TMC5: variants seen among roughly 807,000 people sequenced by gnomAD.
The protein encoded by TMC5 is transmembrane channel-like protein 5.
A neutral mutation model predicts 110.5 loss-of-function variants in TMC5; 86 were observed. The observed-to-expected ratio is 0.78, with a 90% CI of 0.65 to 0.93. The LOEUF (loss-of-function observed/expected upper bound fraction) is 0.93. Among genes scored for constraint, TMC5 ranks in the 40% least tolerant of loss-of-function variants. The pLI, the probability that TMC5 is intolerant of heterozygous loss-of-function variation, is 0.00. For synonymous variants in TMC5, 455 were observed against 439.5 expected, an observed-to-expected ratio of 1.04 and a Z score of -0.44; for missense variants, 1,144 against 1,222.8, an observed-to-expected ratio of 0.94 and a Z score of 0.96.
chr16:19,449,216 G>A (rs893157044), intron 4 of TMC5, among the ~76,000 whole-genome samples: 1 of 152,062 alleles, frequency 6.6e-6, no homozygotes, highest in Non-Finnish European at 1.5e-5. Flanking sequence ...GAACTTTTGG[G>A]CTCAAGTAAT....
chr16:19,493,466 T>TC (rs563230178), intron 19 of TMC5, among the ~76,000 whole-genome samples: 12 of 124,496 alleles, frequency 9.6e-5, no homozygotes, highest in African/African-American at 3.8e-4. Flanking sequence ...TCTCTCTCTC[T>TC]TTTTTTTTTT....
At chr16:19,426,847 A>G (rs1335282717) in intron 1 of TMC5, among the ~76,000 whole-genome samples, 4 of 152,086 alleles carry the variant, frequency 2.6e-5, no homozygotes, top group Non-Finnish European at 5.9e-5. Flanking sequence ...GCTGATCTGC[A>G]GTGATTCTTA....
chr16:19,443,173 T>C (rs961341794), intron 3 of TMC5, among the ~76,000 whole-genome samples: 3 of 152,194 alleles, frequency 2.0e-5, no homozygotes, highest in Non-Finnish European at 4.4e-5. Flanking sequence ...TGGGGAACTT[T>C]AAAAATAATA....
At chr16:19,426,761 T>C (rs1936223912) in intron 1 of TMC5, among the ~76,000 whole-genome samples, 1 of 152,228 alleles carries the variant, frequency 6.6e-6, no homozygotes, top group Non-Finnish European at 1.5e-5. Context: ...TCTCTTTTCT[T>C]TTTTAAATGC....
intron 10 of TMC5, among the ~76,000 whole-genome samples, chr16:19,471,596 C>G (rs969168939): frequency 2.0e-5 from 3 of 152,138 alleles, no homozygotes; most frequent in African/African-American, 7.2e-5. Flanking sequence ...CTATGGGTCT[C>G]CCATAATCCA....
At chr16:19,465,888 C>G (rs950831256) in intron 8 of TMC5, among the ~76,000 whole-genome samples, 194 bp from the exon 9 acceptor site, 2 of 152,176 alleles carry the variant, frequency 1.3e-5, no homozygotes, top group Non-Finnish European at 2.9e-5. Context: ...TAAAGTTACA[C>G]TGGATTTCTT....
chr16:19,479,252 T>C (rs561635371), intron 13 of TMC5, among the ~76,000 whole-genome samples, 179 bp from the exon 14 acceptor site: 2 of 152,162 alleles, frequency 1.3e-5, no homozygotes, highest in African/African-American at 4.8e-5. Context: ...GAGAACAACA[T>C]CCCTGGGAAC....
intron 17 of TMC5, among the ~76,000 whole-genome samples, chr16:19,489,676 T>A (rs868266121): frequency 8.4e-5 from 12 of 143,426 alleles, no homozygotes; most frequent in South Asian, 2.2e-4. Flanking sequence ...TAGAAATGGG[T>A]GTCTTGCTAT....
chr16:19,471,953 G>A, intron 10 of TMC5, 135 bp from the exon 11 acceptor site: 2 of 818,448 alleles, frequency 2.4e-6, no homozygotes, highest in East Asian at 2.8e-5. Flanking sequence ...TAGAGGCGGG[G>A]TTTCACCATG....
At chr16:19,456,845 A>G (rs757048593) in intron 5 of TMC5, 4 of 1,614,234 alleles carry the variant, frequency 2.5e-6, no homozygotes, top group South Asian at 1.1e-5. Flanking sequence ...GGTTTTGTCA[A>G]TATCTGACAT....
intron 2 of TMC5, among the ~76,000 whole-genome samples, chr16:19,433,977 G>C (rs867842314): frequency 1.6e-4 from 21 of 133,020 alleles, no homozygotes; most frequent in Admixed American, 1.0e-3. Flanking sequence ...GTACTACCAT[G>C]CCCAGCTAAT....
In TMC5 at chr16:19,494,362, T is replaced by G. The variant is rs1423113684; in HGVS notation, c.2927T>G (p.Val976Gly). ...TCACTTGTTCTGGAAAGGAGAGAGGTGGAGGTGAGTCTGGAGGCTGCCTTG... is the reference window on the plus strand; with the variant it reads ...TCACTTGTTCTGGAAAGGAGAGAGGGGGAGGTGAGTCTGGAGGCTGCCTTG... Reference protein sequence around the residue: ...PSSLVLERREVEQQGFLHLGE... With the variant: ...PSSLVLERREGEQQGFLHLGE... Residue 976 changes from valine to glycine, a missense_variant, in exon 20 of 22, where the codon GTG (valine) becomes GGG (glycine). Transcript: ENST00000542583. 2 of 1,611,870 alleles carry G rather than the reference T, an allele frequency of 1.2e-6. No individual in the cohort carries two copies. Among genetic ancestry groups the G allele is most frequent in the Non-Finnish European group, 1.7e-6 (2 of 1,178,982 alleles).
chr16:19,470,012 A>G (rs1254345582), intron 10 of TMC5, among the ~76,000 whole-genome samples, 187 bp downstream of exon 10: 1 of 150,680 alleles, frequency 6.6e-6, no homozygotes, highest in Non-Finnish European at 1.5e-5. Flanking sequence ...CTCCTGCCTC[A>G]GCCTCCCGAG....
chr16:19,488,811 G>A (rs574477539), intron 17 of TMC5, among the ~76,000 whole-genome samples: 15 of 152,204 alleles, frequency 9.9e-5, no homozygotes, highest in South Asian at 2.1e-4. Context: ...ACGATTGTCC[G>A]TTTTTCCCAC....
chr16:19,465,001 GTCTTTCTTTCTTTCTTTCTTTCTTTCTT>G (rs71375641), intron 8 of TMC5, among the ~76,000 whole-genome samples: 17,674 of 69,188 alleles, frequency 0.26, 3,652 homozygotes, highest in Non-Finnish European at 0.42. Flanking sequence ...CTTTCCTTTT[GTCTTTCTTTCTTTCTTTCTTTCTTTCTT>G]TCTTTCTTTC....
chr16:19,419,402 G>GGTT (rs1966928487), intron 1 of TMC5, among the ~76,000 whole-genome samples: 4 of 65,648 alleles, frequency 6.1e-5, no homozygotes. Context: ...GAATGTGTTG[G>GGTT]TTTTTTTTTT....
Position 19,498,094 on chromosome 16 carries a change from AACTG to A in TMC5, c.*132_*135del, listed in dbSNP as rs1597226517. ...ATCCAAGGCTTTAGCCAGGAGCGGAAACTGACTACCATGTAATTATCAAAGTAAA... is the reference window on the plus strand; with the variant it reads ...ATCCAAGGCTTTAGCCAGGAGCGGAAACTACCATGTAATTATCAAAGTAAA... On this transcript the variant is annotated 3_prime_UTR_variant, in exon 22 of 22. Transcript: ENST00000542583. The A allele has an allele frequency of 6.5e-5, 56 of 856,006 alleles. 2 individuals carry two copies. In the South Asian group the frequency reaches 8.2e-4, roughly 13 times the overall value. The allele number at this position is 856,006 out of a possible 1,614,324, so 53.0% of individuals were successfully genotyped here. A position where few individuals can be genotyped will look rare whatever the true frequency, so the allele number is the denominator to read the frequency against.
chr16:19,474,035 C>A, intron 11 of TMC5, 90 bp from the exon 12 acceptor site: 1 of 1,298,524 alleles, frequency 7.7e-7, no homozygotes, highest in Middle Eastern at 2.8e-4. Context: ...AGCTACTTCT[C>A]GGGTTTTCTA....
chr16:19,437,119 G>A (rs1051191619), intron 2 of TMC5, among the ~76,000 whole-genome samples: 1 of 152,144 alleles, frequency 6.6e-6, no homozygotes, highest in Non-Finnish European at 1.5e-5. Flanking sequence ...AGGTTGCATC[G>A]AGCTGTGATC....
Sources: allele counts gnomAD v4.1 joint callset (sites outside exome capture counted in the v4.1 genomes callset), GRCh38; gene constraint gnomAD v4.1.1; transcripts MANE v1.5; gene names NCBI Gene and HGNC (gene_info 2026-07-23, HGNC 2026-07-21).